The following SLCO5A1 variants were observed in gnomAD, a reference collection of about 807,000 sequenced individuals.
The protein encoded by SLCO5A1 is solute carrier organic anion transporter family member 5A1.
SLCO5A1 carries 39 observed loss-of-function variants against 65.1 expected under a neutral mutation model. The ratio of observed to expected loss-of-function variants is 0.60; its 90% CI spans 0.46 to 0.78. The LOEUF is 0.78. Among genes scored for constraint, SLCO5A1 ranks in the 30% least tolerant of loss-of-function variants. SLCO5A1 has a pLI of 0.00. For synonymous variants in SLCO5A1, 438 were observed against 415.7 expected (o/e 1.05, Z -0.65); for missense variants, 1,029 against 1,069.4 (o/e 0.96, Z 0.53).
At chr8:69,762,179 T>TC in intron 2 of SLCO5A1, among the ~76,000 whole-genome samples, 6 of 83,600 alleles carry the variant, frequency 7.2e-5, no homozygotes, top group African/African-American at 2.0e-4. Context: ...TCTTTCTTTC[T>TC]TTCTTTCTTT....
At chr8:69,723,940 T>C (rs545550114) in intron 5 of SLCO5A1, among the ~76,000 whole-genome samples, 1 of 152,148 alleles carries the variant, frequency 6.6e-6, no homozygotes, top group Admixed American at 6.5e-5. Flanking sequence ...TCCAGCTAAT[T>C]TTTTGTATTT....
intron 5 of SLCO5A1, among the ~76,000 whole-genome samples, chr8:69,725,696 C>T (rs916812084): frequency 6.6e-6 from 1 of 152,144 alleles, no homozygotes; most frequent in Non-Finnish European, 1.5e-5. Context: ...GAGATGCAAA[C>T]CCTAAGGGTC....
chr8:69,717,158 T>C (rs1815587254), intron 5 of SLCO5A1, among the ~76,000 whole-genome samples: 1 of 152,220 alleles, frequency 6.6e-6, no homozygotes, highest in Admixed American at 6.5e-5. Context: ...ATTTTTTCTT[T>C]GGTTATGTTG....
chr8:69,740,777 A>G (rs566450575), intron 4 of SLCO5A1, among the ~76,000 whole-genome samples: 78 of 152,340 alleles, frequency 5.1e-4, no homozygotes, highest in African/African-American at 1.9e-3. Flanking sequence ...AGGACATGTC[A>G]TAAGGACACA....
At chr8:69,751,204 C>T (rs1035775011) in intron 4 of SLCO5A1, among the ~76,000 whole-genome samples, 4 of 152,132 alleles carry the variant, frequency 2.6e-5, no homozygotes, top group African/African-American at 9.7e-5. Context: ...GAAGGCTGCC[C>T]AGTTAAATTT....
chr8:69,805,636 C>G (rs1258679602), intron 2 of SLCO5A1, among the ~76,000 whole-genome samples: 4 of 152,166 alleles, frequency 2.6e-5, no homozygotes, highest in Non-Finnish European at 5.9e-5. Context: ...TACAAAAAGA[C>G]TTAGATTGCC....
rs144882225 is a variant in SLCO5A1 at position 69,807,005 on chromosome 8, T to C, written c.907+24762A>G. Among the ~76,000 whole-genome samples the C allele has an allele frequency of 1.1e-3, 167 of 152,308 alleles. 2 individuals carry two copies. In the East Asian group the frequency reaches 0.026, roughly 24 times the overall value. ...AGAAAAAACCACTTTAAAATTCATA[T>C]GGAACCAAAAAAGAGCTCGATTAGC... On this transcript the variant is annotated intron_variant, in intron 2 of 9. Coordinates refer to ENST00000260126, the MANE Select transcript of SLCO5A1 (RefSeq NM_030958.3).
At chr8:69,772,646 A>G (rs1028404725) in intron 2 of SLCO5A1, among the ~76,000 whole-genome samples, 2 of 150,536 alleles carry the variant, frequency 1.3e-5, no homozygotes, top group South Asian at 2.1e-4. Flanking sequence ...AAGGAAAGGA[A>G]AGGAAAGGAA....
rs1252314056 is a variant in SLCO5A1, at chr8:69,790,657, A to T, written c.908-28782T>A. 4.6e-5 allele frequency among the ~76,000 whole-genome samples: 7 copies of T among 151,302 alleles called. No homozygotes were observed. In the South Asian group the frequency reaches 6.3e-4, roughly 14 times the overall value. On this transcript the variant is annotated intron_variant, in intron 2 of 9. Transcript: ENST00000260126. ...TATAATGAGACCCTATCTCTAAAAT[A>T]AAAAAAAAGAATAATAATTGAGGAA...
intron 3 of SLCO5A1, among the ~76,000 whole-genome samples, chr8:69,760,142 A>G (rs1435842777): frequency 1.3e-5 from 2 of 152,222 alleles, no homozygotes; most frequent in African/African-American, 4.8e-5. Flanking sequence ...AACACAGAAC[A>G]TATGCTGGAT....
At chr8:69,768,557 C>T (rs1818179247) in intron 2 of SLCO5A1, among the ~76,000 whole-genome samples, 1 of 152,196 alleles carries the variant, frequency 6.6e-6, no homozygotes, top group Non-Finnish European at 1.5e-5. Context: ...GATCAAGGTG[C>T]CATCGGCACT....
At chr8:69,722,457 T>C (rs1277703259) in intron 5 of SLCO5A1, among the ~76,000 whole-genome samples, 1 of 152,124 alleles carries the variant, frequency 6.6e-6, no homozygotes, top group Non-Finnish European at 1.5e-5. Flanking sequence ...TTGAAGTACT[T>C]ACACTTAATA....
At chr8:69,726,134 C>G (rs994220466) in intron 5 of SLCO5A1, among the ~76,000 whole-genome samples, 5 of 152,164 alleles carry the variant, frequency 3.3e-5, no homozygotes, top group Admixed American at 3.3e-4. Flanking sequence ...ACGGACTGTG[C>G]TATTAATCAT....
chr8:69,771,088 G>A (rs1164375436), intron 2 of SLCO5A1, among the ~76,000 whole-genome samples: 1 of 152,050 alleles, frequency 6.6e-6, no homozygotes, highest in Non-Finnish European at 1.5e-5. Context: ...GGGTTCAAGC[G>A]ATTCTCCTGC....
intron 4 of SLCO5A1, among the ~76,000 whole-genome samples, chr8:69,746,287 CT>C (rs1262400876): frequency 6.6e-6 from 1 of 152,056 alleles, no homozygotes; most frequent in African/African-American, 2.4e-5. Context: ...TATCTCAATA[CT>C]TAAATTATTG....
At chr8:69,834,094 A>ACACT (rs527598832) in intron 1 of SLCO5A1, 8 of 145,476 alleles carry the variant, frequency 5.5e-5, no homozygotes, top group African/African-American at 2.0e-4. Context: ...GGCCACACAC[A>ACACT]CACACACACA....
intron 4 of SLCO5A1, among the ~76,000 whole-genome samples, chr8:69,754,802 C>T (rs1239178432): frequency 6.6e-6 from 1 of 152,100 alleles, no homozygotes; most frequent in Non-Finnish European, 1.5e-5. Flanking sequence ...CCATATATCA[C>T]CAAGACCTTC....
At chr8:69,755,027 A>G (rs893629935) in intron 4 of SLCO5A1, among the ~76,000 whole-genome samples, 4 of 152,210 alleles carry the variant, frequency 2.6e-5, no homozygotes, top group Non-Finnish European at 5.9e-5. Flanking sequence ...TAAAAATCAG[A>G]CATCTCTAAT....
chr8:69,755,450 G>A lies in SLCO5A1; in HGVS notation c.1232C>T (p.Ser411Leu), dbSNP rs776943828. ...TCTGACATCCTTTCCAAATCCCATCGAAGAAACTTTTTTGTCCGCTTGTTC... is the reference window on the plus strand; with the variant it reads ...TCTGACATCCTTTCCAAATCCCATCAAAGAAACTTTTTTGTCCGCTTGTTC... The part of the protein sequence containing the change: ...NSEQADKKVS[S>L]MGFGKDVRDL... The change falls in exon 4 of 10, where the codon TCG (serine) becomes TTG (leucine). Residue 411 changes from serine (S) to leucine (L), a missense_variant. Physicochemically the swap from Ser to Leu is moderately radical, Grantham distance 145. Transcript: ENST00000260126. The A allele has an allele frequency of 3.3e-5, 53 of 1,613,700 alleles. No individual in the cohort carries two copies. Among genetic ancestry groups the A allele is most frequent in the Non-Finnish European group, 4.0e-5 (47 of 1,179,970 alleles).
Sources: gnomAD v4.1 joint callset for allele counts (sites outside exome capture counted in the v4.1 genomes callset) on GRCh38, gnomAD v4.1.1 for gene constraint, MANE v1.5 for transcripts, NCBI Gene and HGNC (gene_info 2026-07-23, HGNC 2026-07-21) for gene names.